RLN2: variants seen among roughly 807,000 people sequenced by gnomAD.
The protein encoded by RLN2 is relaxin 2.
RLN2 carries 10 observed loss-of-function variants against 7.3 expected under a neutral mutation model. The observed-to-expected ratio is 1.36, with a 90% CI of 0.84 to 2.31. The LOEUF (loss-of-function observed/expected upper bound fraction) is 2.31. RLN2 is among the 30% of genes most tolerant of loss of function. The probability of loss-of-function intolerance (pLI) is 0.00; values close to 1 mark genes in which losing one functional copy is unlikely to be tolerated. For synonymous variants in RLN2, 103 were observed against 82.3 expected, an observed-to-expected ratio of 1.25 and a Z score of -1.36; for missense variants, 298 against 217.6, an observed-to-expected ratio of 1.37 and a Z score of -2.32.
At chr9:5,312,486 T>G in the RLN2 span, among the ~76,000 whole-genome samples, 1 of 152,118 alleles carries the variant, frequency 6.6e-6, no homozygotes, top group Non-Finnish European at 1.5e-5. Context: ...TGAAAAGTTG[T>G]TAAACAACAT....
At chr9:5,310,269 G>A in the RLN2 span, among the ~76,000 whole-genome samples, 8 of 151,954 alleles carry the variant, frequency 5.3e-5, no homozygotes, top group Non-Finnish European at 1.2e-4. Context: ...TTTAGCTCTT[G>A]CATTCTTTCC....
upstream of RLN2, among the ~76,000 whole-genome samples, chr9:5,305,953 A>C (rs557931791): frequency 6.6e-6 from 1 of 152,076 alleles, no homozygotes; most frequent in East Asian, 1.9e-4. Flanking sequence ...TTTCATTAAA[A>C]CACGCAGTTT....
At chr9:5,317,449 C>T in the RLN2 span, among the ~76,000 whole-genome samples, 3 of 124,074 alleles carry the variant, frequency 2.4e-5, no homozygotes, top group Non-Finnish European at 1.7e-5. Context: ...GAGACTCTGT[C>T]TTAAAAAAAA....
the RLN2 span, among the ~76,000 whole-genome samples, chr9:5,322,908 G>A: frequency 4.4e-4 from 67 of 151,928 alleles, no homozygotes; most frequent in African/African-American, 1.6e-3. Context: ...GTATTATTTT[G>A]AGCTAAAAGA....
chr9:5,300,464 AG>A lies in RLN2; in HGVS notation c.212-21del, dbSNP rs749699250. 4.5e-6 allele frequency: 7 copies of A among 1,538,938 alleles called. No homozygotes were observed. The highest frequency in any genetic ancestry group is 5.3e-6 in the Non-Finnish European group (6 of 1,125,910). The stretch of plus-strand genomic sequence containing the variant: ...CAATTTCTGTTAAATTTAAAAAAAA[AG>A]GTGTATGTGAGGGTATATTCATGTC... On this transcript the variant is annotated intron_variant, in intron 1 of 1. Coordinates refer to ENST00000381627, the MANE Select transcript of RLN2 (RefSeq NM_134441.3).
At chr9:5,312,544 G>C in the RLN2 span, among the ~76,000 whole-genome samples, 1 of 152,058 alleles carries the variant, frequency 6.6e-6, no homozygotes, top group African/African-American at 2.4e-5. Context: ...CCTGTTCAGA[G>C]CATAAGATGA....
At chr9:5,332,097 T>C in the RLN2 span, among the ~76,000 whole-genome samples, 18 of 151,992 alleles carry the variant, frequency 1.2e-4, 1 homozygote, top group East Asian at 3.3e-3. Flanking sequence ...ATTGAAATAA[T>C]ATTAAGTCAA....
chr9:5,306,109 GTTTTT>G (rs199949652), upstream of RLN2, among the ~76,000 whole-genome samples: 1 of 131,510 alleles, frequency 7.6e-6, no homozygotes, highest in Non-Finnish European at 1.6e-5. Flanking sequence ...TTTGTTTTTT[GTTTTT>G]TTTTTTTTTT....
At chr9:5,329,429 G>C in the RLN2 span, among the ~76,000 whole-genome samples, 1 of 150,976 alleles carries the variant, frequency 6.6e-6, no homozygotes, top group Non-Finnish European at 1.5e-5. Flanking sequence ...ATGTAAATGA[G>C]CTAAATACCC....
chr9:5,333,330 A>C, the RLN2 span, among the ~76,000 whole-genome samples: 6 of 151,982 alleles, frequency 3.9e-5, no homozygotes, highest in South Asian at 2.1e-4. Context: ...AATCCAAATG[A>C]TAAGGGGGAT....
the RLN2 span, among the ~76,000 whole-genome samples, chr9:5,313,266 ATATG>A: frequency 1.3e-5 from 2 of 152,062 alleles, no homozygotes; most frequent in Admixed American, 1.3e-4. Flanking sequence ...TGTTGAATGC[ATATG>A]TATTTACTTT....
upstream of RLN2, chr9:5,305,084 G>A: frequency 6.5e-6 from 1 of 153,664 alleles, no homozygotes; most frequent in South Asian, 2.0e-4. Flanking sequence ...GTATAGTGTT[G>A]GGTATATCAA....
chr9:5,325,802 A>C, the RLN2 span, among the ~76,000 whole-genome samples: 4 of 152,170 alleles, frequency 2.6e-5, no homozygotes, highest in South Asian at 8.3e-4. Context: ...GTAGTTCTAT[A>C]AATTCTTTAA....
chr9:5,305,284 A>T (rs1454637365), upstream of RLN2, among the ~76,000 whole-genome samples: 8 of 150,790 alleles, frequency 5.3e-5, no homozygotes, highest in Admixed American at 4.6e-4. Context: ...CTTGGGGATA[A>T]ATTTGATTGT....
the RLN2 span, among the ~76,000 whole-genome samples, chr9:5,312,269 A>G: frequency 6.6e-6 from 1 of 151,984 alleles, no homozygotes; most frequent in Non-Finnish European, 1.5e-5. Flanking sequence ...TCCATCTTTC[A>G]GCGTAGACTT....
At chr9:5,311,436 A>T in the RLN2 span, 1 of 581,010 alleles carries the variant, frequency 1.7e-6, no homozygotes, top group Non-Finnish European at 3.1e-6. Context: ...GTACATCACC[A>T]CTGCCAGCAT....
chr9:5,337,039 T>A, the RLN2 span, among the ~76,000 whole-genome samples: 8 of 152,094 alleles, frequency 5.3e-5, no homozygotes, highest in African/African-American at 9.7e-5. Context: ...ATTTTGTCTT[T>A]GCCCCTAACA....
the RLN2 span, among the ~76,000 whole-genome samples, chr9:5,324,622 T>C: frequency 6.6e-6 from 1 of 151,978 alleles, no homozygotes; most frequent in Non-Finnish European, 1.5e-5. Flanking sequence ...AACACAAAAT[T>C]TGTGTTTACT....
chr9:5,299,922 T>G lies in RLN2; in HGVS notation c.*176A>C, dbSNP rs1827119781. 4.5e-6 allele frequency: 2 copies of G among 440,080 alleles called. No individual in the cohort carries two copies. Among genetic ancestry groups the G allele is most frequent in the African/African-American group, 2.0e-5 (1 of 49,346 alleles). The allele number at this position is 440,080 out of a possible 1,614,324, so 27.3% of individuals were successfully genotyped here. ...AAAGAACATTTTCTTACACATCAAA[T>G]AAAAAAATCTAAACATCAACAAAGA... On this transcript the variant is annotated 3_prime_UTR_variant, in exon 2 of 2. Coordinates refer to ENST00000381627, the MANE Select transcript of RLN2 (RefSeq NM_134441.3).
Sources: gnomAD v4.1 joint callset for allele counts (sites outside exome capture counted in the v4.1 genomes callset) on GRCh38, gnomAD v4.1.1 for gene constraint, MANE v1.5 for transcripts, NCBI Gene and HGNC (gene_info 2026-07-23, HGNC 2026-07-21) for gene names.